Variants in TRPS1 observed in about 807,000 individuals in gnomAD.
TRPS1 encodes the protein transcriptional repressor GATA binding 1, also known as zinc finger transcription factor Trps1.
Under a neutral mutation model 101.2 loss-of-function variants are expected in TRPS1, and 6 were observed. The ratio of observed to expected loss-of-function variants is 0.06; its 90% CI spans 0.03 to 0.12. The LOEUF (loss-of-function observed/expected upper bound fraction) is 0.12. Among genes scored for constraint, TRPS1 ranks in the 10% least tolerant of loss-of-function variants. TRPS1 has a pLI of 1.00. For missense variants in TRPS1, 1,363 were observed against 1,567.0 expected, an observed-to-expected ratio of 0.87 and a Z score of 2.20; for synonymous variants, 578 against 589.8, an observed-to-expected ratio of 0.98 and a Z score of 0.29.
At chr8:115,631,247 T>C (rs750635254) in intron 1 of TRPS1, among the ~76,000 whole-genome samples, 1 of 152,130 alleles carries the variant, frequency 6.6e-6, no homozygotes, top group Non-Finnish European at 1.5e-5. Context: ...TATGTGTTTA[T>C]GTTTTAGGCT....
intron 3 of TRPS1, among the ~76,000 whole-genome samples, chr8:115,615,044 T>C (rs1027808467): frequency 1.3e-5 from 2 of 152,148 alleles, no homozygotes; most frequent in Non-Finnish European, 1.5e-5. Context: ...GATAAAAATA[T>C]TTACAACACA....
intron 5 of TRPS1, among the ~76,000 whole-genome samples, chr8:115,541,555 A>C (rs907682820): frequency 7.2e-5 from 11 of 152,208 alleles, no homozygotes; most frequent in African/African-American, 2.4e-4. Context: ...ATAATTAAAA[A>C]TTAGGTTCAG....
At chr8:115,554,188 G>A (rs1204284083) in intron 5 of TRPS1, among the ~76,000 whole-genome samples, 1 of 152,072 alleles carries the variant, frequency 6.6e-6, no homozygotes, top group Non-Finnish European at 1.5e-5. Context: ...AAGCAAACAA[G>A]AGAAGAAAAT....
chr8:115,652,474 G>A (rs1811582439), intron 1 of TRPS1, among the ~76,000 whole-genome samples: 1 of 152,138 alleles, frequency 6.6e-6, no homozygotes, highest in African/African-American at 2.4e-5. Context: ...AACAAGCAAC[G>A]TTTTGACTTT....
At chr8:115,568,827 T>G (rs2130389281) in intron 5 of TRPS1, among the ~76,000 whole-genome samples, 1 of 152,278 alleles carries the variant, frequency 6.6e-6, no homozygotes, top group East Asian at 1.9e-4. Flanking sequence ...CTACAGTATT[T>G]CAGATCAAAA....
chr8:115,529,611 A>T (rs1159992286), intron 5 of TRPS1, among the ~76,000 whole-genome samples: 2 of 152,124 alleles, frequency 1.3e-5, no homozygotes, highest in African/African-American at 4.8e-5. Context: ...CCTACAGAAA[A>T]TTCCACACCC....
At chr8:115,613,277 C>G (rs932240796) in intron 3 of TRPS1, among the ~76,000 whole-genome samples, 1 of 152,176 alleles carries the variant, frequency 6.6e-6, no homozygotes, top group Admixed American at 6.5e-5. Flanking sequence ...AAAGATGAGT[C>G]AGCAAATTTA....
chr8:115,429,693 G>T (rs985936102), intron 5 of TRPS1, among the ~76,000 whole-genome samples: 1 of 152,132 alleles, frequency 6.6e-6, no homozygotes, highest in Non-Finnish European at 1.5e-5. Context: ...CCTGGTGAGT[G>T]AGATTTTATT....
chr8:115,604,126 A>G lies in TRPS1; in HGVS notation c.1843T>C (p.Leu615=), dbSNP rs372922863. 1.7e-5 allele frequency: 28 copies of G among 1,614,014 alleles called. No homozygotes were observed. The highest frequency in any genetic ancestry group is 2.4e-5 in the Non-Finnish European group (28 of 1,180,024). ...GAGCTTCCAGCCGCCCCAGGAGACA[A>G]GTGCAGAAGCAAGAGTGCACAGTGG... The part of the protein sequence containing the change: ...CSHCALLLLH[L]SPGAAGSSRV... The change falls in exon 4 of 7, where the codon TTG becomes CTG. Residue 615 remains leucine (L), a synonymous_variant. Coordinates refer to ENST00000395715, the MANE Select transcript of TRPS1 (RefSeq NM_014112.5). This position sits in a 1 kb window ranked among gnomAD's most constrained non-coding sequence, Gnocchi z 4.1.
intron 3 of TRPS1, among the ~76,000 whole-genome samples, chr8:115,613,616 G>T (rs1818218041): frequency 6.6e-6 from 1 of 152,136 alleles, no homozygotes. Context: ...GCAACTCTGT[G>T]ATCTTGGGCA....
At chr8:115,656,443 G>A (rs1242474005) in intron 1 of TRPS1, among the ~76,000 whole-genome samples, 1 of 152,012 alleles carries the variant, frequency 6.6e-6, no homozygotes, top group Non-Finnish European at 1.5e-5. Flanking sequence ...ATCACTTTTG[G>A]AGAATTCCAC....
At position 115,442,658 on chromosome 8, in the gene TRPS1, A is replaced by G. The variant is rs572315745; in HGVS notation, c.2701-24206T>C. ...TGCAAAATGAGAATTTAAGTTATCA[A>G]CATTTAAAAATTGGGTGATTTGACT... On this transcript the variant is annotated intron_variant, in intron 5 of 6. Transcript: ENST00000395715. Among the ~76,000 whole-genome samples, 3 of 152,036 alleles carry G rather than the reference A, an allele frequency of 2.0e-5. No homozygotes were observed. In the East Asian group the frequency reaches 5.8e-4, roughly 29 times the overall value.
chr8:115,567,359 C>A (rs545274530), intron 5 of TRPS1, among the ~76,000 whole-genome samples: 1 of 152,104 alleles, frequency 6.6e-6, no homozygotes, highest in African/African-American at 2.4e-5. Context: ...TAAATGGACA[C>A]AATTACTTCT....
intron 5 of TRPS1, among the ~76,000 whole-genome samples, chr8:115,520,963 C>A (rs1815846235): frequency 6.6e-6 from 1 of 151,748 alleles, no homozygotes. Flanking sequence ...CATAACTATT[C>A]TTCGACAGTT....
chr8:115,584,943 A>G (rs1817531882), intron 5 of TRPS1, among the ~76,000 whole-genome samples: 1 of 152,166 alleles, frequency 6.6e-6, no homozygotes, highest in Non-Finnish European at 1.5e-5. Flanking sequence ...TGAATCTTAA[A>G]AGATTTAAAT....
At chr8:115,621,139 A>C (rs1384775832) in intron 2 of TRPS1, among the ~76,000 whole-genome samples, 1 of 152,200 alleles carries the variant, frequency 6.6e-6, no homozygotes, top group Non-Finnish European at 1.5e-5. Context: ...AAATAAACTA[A>C]GAAACAATTT....
In TRPS1 at chr8:115,587,594, T is replaced by G. The variant is rs1298267137; in HGVS notation, c.2107A>C (p.Ser703Arg). 7.4e-6 allele frequency: 12 copies of G among 1,614,142 alleles called. No homozygotes were observed. The highest frequency in any genetic ancestry group is 1.0e-5 in the Non-Finnish European group (12 of 1,180,012). Residue 703 changes from serine to arginine, a missense_variant, in exon 5 of 7, where the codon AGC (serine) becomes CGC (arginine). Coordinates refer to ENST00000395715, the MANE Select transcript of TRPS1 (RefSeq NM_014112.5). ...EISRHYRRAH[S>R]CYKCRQCSFT... is the part of the protein sequence containing the mutation. ...CTGCACTGACGGCATTTGTAGCAGC[T>G]GTGTGCTCTCCTGGAGAAGAAGAAA...
At position 115,573,357 on chromosome 8, in the gene TRPS1, C is replaced by T. The variant is rs545869771; in HGVS notation, c.2700+13644G>A. On this transcript the variant is annotated intron_variant, in intron 5 of 6. Transcript: ENST00000395715. Reference sequence around the variant, plus strand: ...ACTACAAACAAAGAGTAAAGCCTTGCCCATAGTTAGTCTTTATCAAAGATT... The same window carrying T: ...ACTACAAACAAAGAGTAAAGCCTTGTCCATAGTTAGTCTTTATCAAAGATT... Among the ~76,000 whole-genome samples the T allele has an allele frequency of 7.6e-4, 116 of 152,222 alleles. 1 individual carries two copies. The highest frequency in any genetic ancestry group is 2.6e-3 in the African/African-American group (108 of 41,554).
intron 5 of TRPS1, chr8:115,515,295 A>C (rs1815682831): frequency 2.9e-6 from 2 of 696,874 alleles, no homozygotes; most frequent in African/African-American, 1.8e-5. Context: ...TAATGCAGTA[A>C]CACGAAGAAG....
Sources: gnomAD v4.1 joint callset for allele counts (sites outside exome capture counted in the v4.1 genomes callset) on GRCh38, gnomAD v4.1.1 for gene constraint, Gnocchi (gnomAD v3.1) non-coding constraint, MANE v1.5 for transcripts, NCBI Gene and HGNC (gene_info 2026-07-23, HGNC 2026-07-21) for gene names.